The following PTPN18 variants were observed in gnomAD, a reference collection of about 807,000 sequenced individuals.
PTPN18 encodes protein tyrosine phosphatase non-receptor type 18.
Under a neutral mutation model 65.4 loss-of-function variants are expected in PTPN18, and 65 were observed. That is an observed-to-expected ratio of 0.99 (90% CI 0.81 to 1.22). The LOEUF is 1.22. Among genes scored for constraint, PTPN18 ranks in the 50% most tolerant of loss-of-function variants. The pLI, the probability that PTPN18 is intolerant of heterozygous loss-of-function variation, is 0.00. For missense variants in PTPN18, 616 were observed against 646.5 expected (o/e 0.95, Z 0.51); for synonymous variants, 255 against 267.8 (o/e 0.95, Z 0.47).
intron 3 of PTPN18, 26 bp from the exon 4 acceptor site, chr2:130,359,371 T>C (rs1293895153): frequency 6.2e-7 from 1 of 1,613,950 alleles, no homozygotes; most frequent in Non-Finnish European, 8.5e-7. Context: ...CCGCAGAATC[T>C]CAGTCGTGAA....
At chr2:130,358,657 C>T (rs1306572068) in intron 1 of PTPN18, among the ~76,000 whole-genome samples, 1 of 152,102 alleles carries the variant, frequency 6.6e-6, no homozygotes, top group African/African-American at 2.4e-5. Context: ...GATTACATGC[C>T]CTTAGCACAG....
Position 130,370,995 on chromosome 2 carries a change from C to T in PTPN18, c.924+31C>T, listed in dbSNP as rs758712386. On this transcript the variant is annotated intron_variant, in intron 11 of 14. Coordinates refer to ENST00000175756, the MANE Select transcript of PTPN18 (RefSeq NM_014369.4). Reference sequence around the variant, plus strand: ...GAGGCTCCTTTCCCACTCTCCTGTCCACCATCAGCACCCTCAGAGACCAGG... The same window carrying T: ...GAGGCTCCTTTCCCACTCTCCTGTCTACCATCAGCACCCTCAGAGACCAGG... 4 of 1,597,068 alleles carry T rather than the reference C, an allele frequency of 2.5e-6. No individual in the cohort carries two copies. In the Admixed American group the frequency reaches 6.7e-5, roughly 27 times the overall value.
intron 13 of PTPN18, 144 bp from the exon 14 acceptor site, chr2:130,372,729 C>G: frequency 1.9e-6 from 2 of 1,063,440 alleles, no homozygotes; most frequent in Non-Finnish European, 2.7e-6. Context: ...AGGCTGGAGG[C>G]CACGTCCGGG....
chr2:130,359,235 G>A lies in PTPN18; in HGVS notation c.205G>A (p.Asp69Asn). 1 of 1,613,988 alleles carries A rather than the reference G, an allele frequency of 6.2e-7. No homozygotes were observed. Among genetic ancestry groups the A allele is most frequent in the Non-Finnish European group, 8.5e-7 (1 of 1,180,026 alleles). The change falls in exon 3 of 15, where the codon GAT becomes AAT. Residue 69 changes from aspartate (D) to asparagine (N), a missense_variant and splice_region_variant. Physicochemically the swap from Asp to Asn is conservative, Grantham distance 23. Coordinates refer to ENST00000175756, the MANE Select transcript of PTPN18 (RefSeq NM_014369.4). ...TTTCTCACCTTATCTGCTGACAGAT[G>A]ATCAGACGCGAGTAATCCTCTCCCT... Reference protein sequence around the residue: ...KNRYKDVLPYDQTRVILSLLQ... With the variant: ...KNRYKDVLPYNQTRVILSLLQ...
rs780764215 is a variant in PTPN18 at position 130,372,271 on chromosome 2, C to T, written c.1028C>T (p.Pro343Leu). ...CCTGCCTGCAGGAGCATCTCTGTGC[C>T]CGGGTCCCCGGGCCACGCCATGGCT... Reference protein sequence around the residue: ...PGGVLRSISVPGSPGHAMADT... With the variant: ...PGGVLRSISVLGSPGHAMADT... The change falls in exon 13 of 15, where the codon CCC (proline) becomes CTC (leucine). Residue 343 changes from proline to leucine, a missense_variant. Pro to Leu is a moderately conservative substitution (Grantham distance 98). Transcript: ENST00000175756. 2.4e-5 allele frequency: 37 copies of T among 1,569,130 alleles called. No individual in the cohort carries two copies. Among genetic ancestry groups the T allele is most frequent in the Non-Finnish European group, 3.1e-5 (36 of 1,166,594 alleles).
Position 130,370,209 on chromosome 2 carries a change from A to G in PTPN18, c.689+19A>G. ...ACTGCAGGTTTTGGAAATGGGCTTC[A>G]GGAGGGTCTGGTGAGGCAGAGGGGA... On this transcript the variant is annotated intron_variant, in intron 8 of 14. Transcript: ENST00000175756. The G allele has an allele frequency of 6.2e-7, 1 of 1,607,744 alleles. No individual in the cohort carries two copies. The highest frequency in any genetic ancestry group is 8.5e-7 in the Non-Finnish European group (1 of 1,179,924).
In PTPN18 at chr2:130,374,883, T is replaced by TACCCC. The variant is rs1159237811; in HGVS notation, c.*1670_*1674dup. 6.3e-6 allele frequency: 2 copies of TACCCC among 319,602 alleles called. No individual in the cohort carries two copies. The highest frequency in any genetic ancestry group is 2.2e-5 in the African/African-American group (1 of 46,236). The allele number at this position is 319,602 out of a possible 1,614,324, so 19.8% of individuals were successfully genotyped here. On this transcript the variant is annotated 3_prime_UTR_variant, in exon 15 of 15. Transcript: ENST00000175756. ...TCAAGGAATGATGGGGATGTGTACA[T>TACCCC]ACCCCACCCCACCCCTTGGCAGGGT...
intron 5 of PTPN18, among the ~76,000 whole-genome samples, chr2:130,364,305 A>C (rs1680317829): frequency 6.6e-6 from 1 of 152,196 alleles, no homozygotes; most frequent in African/African-American, 2.4e-5. Flanking sequence ...ATGCAAGTGG[A>C]ATCAGGAATA....
chr2:130,371,080 C>G, intron 11 of PTPN18, 116 bp downstream of exon 11: 1 of 1,355,910 alleles, frequency 7.4e-7, no homozygotes, highest in African/African-American at 1.5e-5. Context: ...ATGACATCCA[C>G]CTGTGCCCTC....
chr2:130,362,234 T>C (rs781387032), intron 5 of PTPN18: 4 of 461,634 alleles, frequency 8.7e-6, no homozygotes, highest in Non-Finnish European at 1.3e-5. Context: ...CCTCCCAAAG[T>C]GCTAAGATTA....
Position 130,372,869 on chromosome 2 carries a change from T to C in PTPN18, c.1241-4T>C. Reference sequence around the variant, plus strand: ...CTGACCCGTGGGGGGTCTGCTGCCCTCAGTTCCTGCTGACCAAAGTCCTGC... The same window carrying C: ...CTGACCCGTGGGGGGTCTGCTGCCCCCAGTTCCTGCTGACCAAAGTCCTGC... On this transcript the variant is annotated splice_polypyrimidine_tract_variant and splice_region_variant and intron_variant, in intron 13 of 14. Coordinates refer to ENST00000175756, the MANE Select transcript of PTPN18 (RefSeq NM_014369.4). 6.2e-7 allele frequency: 1 copy of C among 1,614,094 alleles called. No homozygotes were observed. Among genetic ancestry groups the C allele is most frequent in the Non-Finnish European group, 8.5e-7 (1 of 1,180,004 alleles).
In PTPN18 at chr2:130,371,495, C is replaced by T. The variant is rs554442292; in HGVS notation, c.1013+208C>T. Among the ~76,000 whole-genome samples, 203 of 152,346 alleles carry T rather than the reference C, an allele frequency of 1.3e-3. 1 individual carries two copies. The highest frequency in any genetic ancestry group is 4.6e-3 in the African/African-American group (193 of 41,574). On this transcript the variant is annotated intron_variant, in intron 12 of 14. Coordinates refer to ENST00000175756, the MANE Select transcript of PTPN18 (RefSeq NM_014369.4). ...CTTGCCTCTGCCTCTAAGGCTTGCC[C>T]TGCCTTCTGAGTTAGGCCTTTCCTG...
intron 1 of PTPN18, among the ~76,000 whole-genome samples, chr2:130,357,729 G>T (rs1357371935): frequency 6.6e-6 from 1 of 151,926 alleles, no homozygotes; most frequent in Non-Finnish European, 1.5e-5. Context: ...GGTGGCGGGC[G>T]CCTGTAGTCC....
At chr2:130,370,358 G>C in intron 8 of PTPN18, 168 bp downstream of exon 8, 1 of 1,149,306 alleles carries the variant, frequency 8.7e-7, no homozygotes, top group African/African-American at 1.5e-5. Context: ...GACTCAGCTG[G>C]GGAATAAGCA....
chr2:130,361,534 CTT>C (rs1427531529), intron 5 of PTPN18, among the ~76,000 whole-genome samples: 1 of 141,558 alleles, frequency 7.1e-6, no homozygotes, highest in African/African-American at 2.8e-5. Context: ...TTCTTTCTTT[CTT>C]TCTTTCTTTC....
chr2:130,372,593 T>C, intron 13 of PTPN18, 110 bp downstream of exon 13: 2 of 1,288,468 alleles, frequency 1.6e-6, no homozygotes, highest in Non-Finnish European at 2.1e-6. Context: ...CCCCAGCCGC[T>C]AGCCTGGCCA....
At chr2:130,361,312 G>A (rs780522353) in intron 5 of PTPN18, among the ~76,000 whole-genome samples, 3 of 152,116 alleles carry the variant, frequency 2.0e-5, no homozygotes, top group Non-Finnish European at 4.4e-5. Context: ...AAAGAGGAAT[G>A]TTGAAATCTG....
At chr2:130,358,806 C>A in intron 1 of PTPN18, 61 bp from the exon 2 acceptor site, 1 of 1,453,434 alleles carries the variant, frequency 6.9e-7, no homozygotes, top group Non-Finnish European at 9.5e-7. Context: ...TGGCCTGGGA[C>A]TCTGACCTGG....
intron 12 of PTPN18, 61 bp from the exon 13 acceptor site, chr2:130,372,195 TC>T: frequency 6.8e-7 from 1 of 1,462,496 alleles, no homozygotes; most frequent in Non-Finnish European, 9.2e-7. Context: ...CTGAGCAGCC[TC>T]CCCACTCCCG....
Sources: gnomAD v4.1 joint callset for allele counts (sites outside exome capture counted in the v4.1 genomes callset) on GRCh38, gnomAD v4.1.1 for gene constraint, MANE v1.5 for transcripts, NCBI Gene and HGNC (gene_info 2026-07-23, HGNC 2026-07-21) for gene names.